The following EDAR variants were observed in gnomAD, a reference collection of about 807,000 sequenced individuals.
EDAR encodes the protein ectodysplasin A receptor.
Under a neutral mutation model 51.3 loss-of-function variants are expected in EDAR, and 38 were observed. The ratio of observed to expected loss-of-function variants is 0.74; its 90% CI spans 0.57 to 0.97. EDAR has a LOEUF of 0.97. EDAR is among the 50% of genes least tolerant of loss of function. The pLI is 0.00. For missense variants in EDAR, 528 were observed against 595.0 expected, an observed-to-expected ratio of 0.89 and a Z score of 1.17; for synonymous variants, 227 against 242.1, an observed-to-expected ratio of 0.94 and a Z score of 0.58.
rs140843761 is a variant in EDAR at position 108,960,958 on chromosome 2, G to A, written c.-19+28002C>T. ...AAAGTTTTTCACTATTATAATGAAC[G>A]CCACAACGTACATAAAAGACACAGT... is the stretch of plus-strand genomic sequence containing the variant. On this transcript the variant is annotated intron_variant, in intron 1 of 11. Transcript: ENST00000258443. Among the ~76,000 whole-genome samples, 65 of 152,258 alleles carry A rather than the reference G, an allele frequency of 4.3e-4. No homozygotes were observed. The South Asian group carries it at 8.7e-3, about 20-fold the overall frequency.
chr2:108,913,696 GTTC>G (rs1328862541), intron 5 of EDAR, among the ~76,000 whole-genome samples: 5 of 152,164 alleles, frequency 3.3e-5, no homozygotes, highest in African/African-American at 9.7e-5. Context: ...ATGGGTATGA[GTTC>G]TTCTTGTTAG....
intron 1 of EDAR, among the ~76,000 whole-genome samples, chr2:108,951,982 C>A (rs1011896613): frequency 6.6e-6 from 1 of 152,212 alleles, no homozygotes; most frequent in Non-Finnish European, 1.5e-5. Context: ...GACAAAAGAC[C>A]ATGCAGGCAG....
intron 1 of EDAR, among the ~76,000 whole-genome samples, chr2:108,971,543 C>G (rs1378157639): frequency 6.6e-6 from 1 of 151,664 alleles, no homozygotes; most frequent in African/African-American, 2.4e-5. Flanking sequence ...TAGCAGAGAG[C>G]TGAGTAAATG....
intron 1 of EDAR, among the ~76,000 whole-genome samples, chr2:108,953,767 G>A (rs576354909): frequency 1.1e-4 from 16 of 152,290 alleles, no homozygotes; most frequent in Admixed American, 9.8e-4. Context: ...CAGAAAACTG[G>A]CAGGTGGAGA....
At chr2:108,977,750 G>A (rs1698350209) in intron 1 of EDAR, among the ~76,000 whole-genome samples, 1 of 152,170 alleles carries the variant, frequency 6.6e-6, no homozygotes, top group African/African-American at 2.4e-5. Flanking sequence ...AGAGCTGAGG[G>A]TGGAAACAGG....
chr2:108,980,073 C>T (rs963330704), intron 1 of EDAR, among the ~76,000 whole-genome samples: 37 of 117,462 alleles, frequency 3.1e-4, no homozygotes, highest in African/African-American at 7.3e-4. Flanking sequence ...GATCGCCCAT[C>T]GTCAAGTTCA....
At chr2:108,944,770 C>A (rs1697683242) in intron 1 of EDAR, among the ~76,000 whole-genome samples, 1 of 152,148 alleles carries the variant, frequency 6.6e-6, no homozygotes, top group Non-Finnish European at 1.5e-5. Flanking sequence ...CGGTCCCAGA[C>A]CTTCCTGAGG....
intron 1 of EDAR, among the ~76,000 whole-genome samples, chr2:108,960,395 T>G (rs992098476): frequency 6.6e-6 from 1 of 152,230 alleles, no homozygotes. Flanking sequence ...TGAATGCCTC[T>G]ATGGGTTCAC....
Position 108,929,616 on chromosome 2 carries a change from C to T in EDAR, c.175-237G>A, listed in dbSNP as rs28731021. Among the ~76,000 whole-genome samples, 3,810 of 152,268 alleles carry T rather than the reference C, an allele frequency of 0.025. 96 individuals carry two copies. The highest frequency in any genetic ancestry group is 0.06 in the African/African-American group (2,498 of 41,532). On this transcript the variant is annotated intron_variant, in intron 3 of 11. Coordinates refer to ENST00000258443, the MANE Select transcript of EDAR (RefSeq NM_022336.4). Reference sequence around the variant, plus strand: ...ATGCTGCCCCTTTTCTGAGCCTCCCCGAGATGAATTCAGCGAGCTGCTGGA... The same window carrying T: ...ATGCTGCCCCTTTTCTGAGCCTCCCTGAGATGAATTCAGCGAGCTGCTGGA...
At chr2:108,905,733 C>G (rs984009835) in intron 11 of EDAR, among the ~76,000 whole-genome samples, 5 of 152,146 alleles carry the variant, frequency 3.3e-5, no homozygotes, top group Admixed American at 2.6e-4. Context: ...TTTGCAGGAA[C>G]TGGAAGCTGA....
Position 108,976,459 on chromosome 2 carries a change from C to T in EDAR, c.-19+12501G>A, listed in dbSNP as rs56135111. On this transcript the variant is annotated intron_variant, in intron 1 of 11. Transcript: ENST00000258443. ...GGATGAAGCAGTGACTGGCAGGATT[C>T]CCCACTCTGAAGTGACTCCTTCCGG... is the stretch of plus-strand genomic sequence containing the variant. 1.3e-3 allele frequency among the ~76,000 whole-genome samples: 198 copies of T among 152,258 alleles called. 4 individuals are homozygous for T. The Middle Eastern group carries it at 0.017, about 13-fold the overall frequency.
intron 11 of EDAR, among the ~76,000 whole-genome samples, chr2:108,897,510 A>G (rs1259536663): frequency 4.6e-5 from 7 of 152,142 alleles, no homozygotes; most frequent in Non-Finnish European, 1.0e-4. Context: ...TAATTCCCTC[A>G]TGACCATTTT....
chr2:108,969,213 CT>C (rs113574008), intron 1 of EDAR, among the ~76,000 whole-genome samples: 52 of 148,026 alleles, frequency 3.5e-4, no homozygotes, highest in South Asian at 4.3e-4. Flanking sequence ...TGACAACCTT[CT>C]TTTTTTTTTT....
intron 11 of EDAR, among the ~76,000 whole-genome samples, chr2:108,897,752 C>A (rs1293304404): frequency 1.3e-5 from 2 of 152,168 alleles, no homozygotes; most frequent in African/African-American, 4.8e-5. Context: ...ATTAGACTCA[C>A]CTAGGAGCAT....
At chr2:108,928,459 C>T (rs146710041) in intron 4 of EDAR, among the ~76,000 whole-genome samples, 1 of 152,280 alleles carries the variant, frequency 6.6e-6, no homozygotes, top group Non-Finnish European at 1.5e-5. Context: ...CATCACCTCC[C>T]TTGTCCCCAC....
chr2:108,913,726 G>A (rs193112171), intron 5 of EDAR, among the ~76,000 whole-genome samples: 28 of 152,118 alleles, frequency 1.8e-4, no homozygotes, highest in African/African-American at 6.5e-4. Flanking sequence ...AAGAGGTGGC[G>A]GATCACGAGG....
At chr2:108,956,590 T>C (rs1697929704) in intron 1 of EDAR, among the ~76,000 whole-genome samples, 1 of 152,208 alleles carries the variant, frequency 6.6e-6, no homozygotes, top group African/African-American at 2.4e-5. Context: ...GTTAGATGGT[T>C]GACTGACAGT....
At chr2:108,988,705 C>T (rs1050064942) in intron 1 of EDAR, among the ~76,000 whole-genome samples, 1 of 152,206 alleles carries the variant, frequency 6.6e-6, no homozygotes, top group Non-Finnish European at 1.5e-5. Flanking sequence ...GAAGCACACA[C>T]AGAATTTGTC....
rs539995855 is a variant in EDAR, at chr2:108,962,592, G to A, written c.-19+26368C>T. 1.3e-4 allele frequency among the ~76,000 whole-genome samples: 19 copies of A among 149,726 alleles called. No homozygotes were observed. The South Asian group carries it at 2.3e-3, about 18-fold the overall frequency. Reference sequence around the variant, plus strand: ...CGGGAGGCTGAGGCAGGAGAATGGCGTGAACCCAGGAGGCGGAGCTTGCAG... The same window carrying A: ...CGGGAGGCTGAGGCAGGAGAATGGCATGAACCCAGGAGGCGGAGCTTGCAG... On this transcript the variant is annotated intron_variant, in intron 1 of 11. Transcript: ENST00000258443.
Sources: gnomAD v4.1 joint callset for allele counts (sites outside exome capture counted in the v4.1 genomes callset) on GRCh38, gnomAD v4.1.1 for gene constraint, MANE v1.5 for transcripts, NCBI Gene and HGNC (gene_info 2026-07-23, HGNC 2026-07-21) for gene names.